PLD5: variants seen among roughly 807,000 people sequenced by gnomAD.
PLD5 encodes the protein phospholipase D family member 5.
Under a neutral mutation model 61.1 loss-of-function variants are expected in PLD5, and 36 were observed. That is an observed-to-expected ratio of 0.59 (90% CI 0.45 to 0.78). The LOEUF is 0.78. Among genes scored for constraint, PLD5 ranks in the 30% least tolerant of loss-of-function variants. The pLI is 0.00. For synonymous variants in PLD5, 243 were observed against 242.8 expected, an observed-to-expected ratio of 1.00 and a Z score of -0.01; for missense variants, 515 against 644.4, an observed-to-expected ratio of 0.80 and a Z score of 2.17.
At chr1:242,401,493 G>A (rs572027106) in intron 1 of PLD5, among the ~76,000 whole-genome samples, 150 of 152,198 alleles carry the variant, frequency 9.9e-4, no homozygotes, top group Middle Eastern at 6.8e-3. Context: ...TGTGAGGGCC[G>A]CCGGGACCCC....
At chr1:242,378,942 CT>C (rs1194904420) in intron 1 of PLD5, among the ~76,000 whole-genome samples, 1 of 152,120 alleles carries the variant, frequency 6.6e-6, no homozygotes, top group Non-Finnish European at 1.5e-5. Flanking sequence ...CTTTTCCTTC[CT>C]ACTTAGGTCT....
chr1:242,095,886 A>G (rs1280042272), intron 9 of PLD5, among the ~76,000 whole-genome samples: 2 of 152,196 alleles, frequency 1.3e-5, no homozygotes, highest in African/African-American at 2.4e-5. Flanking sequence ...GTTGGTGCAC[A>G]TGAGAAAAAT....
chr1:242,265,958 G>A (rs71498836), intron 3 of PLD5, among the ~76,000 whole-genome samples: 1 of 152,256 alleles, frequency 6.6e-6, no homozygotes, highest in Admixed American at 6.5e-5. Context: ...AGAATTAGCT[G>A]TTAAGAGGGA....
intron 2 of PLD5, chr1:242,345,704 G>A (rs1660090369): frequency 1.4e-6 from 1 of 721,810 alleles, no homozygotes; most frequent in Non-Finnish European, 2.6e-6. Context: ...ATCAGGAGAA[G>A]AGCTTGTGGA....
At chr1:242,399,353 T>A (rs1355032987) in intron 1 of PLD5, among the ~76,000 whole-genome samples, 2 of 152,112 alleles carry the variant, frequency 1.3e-5, no homozygotes, top group Admixed American at 6.5e-5. Flanking sequence ...CATGATCAAA[T>A]CCAATTTATG....
chr1:242,498,242 C>T (rs1051441028), intron 1 of PLD5, among the ~76,000 whole-genome samples: 8 of 152,194 alleles, frequency 5.3e-5, no homozygotes, highest in African/African-American at 9.6e-5. Context: ...GGATTACAGG[C>T]GTGAGCCACC....
At chr1:242,150,262 A>AAAT (rs143197408) in intron 5 of PLD5, among the ~76,000 whole-genome samples, 11,633 of 151,672 alleles carry the variant, frequency 0.077, 539 homozygotes, top group Middle Eastern at 0.13. Context: ...ATATGTGCTT[A>AAAT]AATATAATAT....
chr1:242,203,108 A>G (rs1558338144), intron 5 of PLD5, among the ~76,000 whole-genome samples: 1 of 152,188 alleles, frequency 6.6e-6, no homozygotes, highest in Non-Finnish European at 1.5e-5. Flanking sequence ...AATGAGCAGG[A>G]CTTGATTAAC....
chr1:242,345,127 A>G (rs1424525099), intron 2 of PLD5, among the ~76,000 whole-genome samples: 1 of 152,142 alleles, frequency 6.6e-6, no homozygotes, highest in African/African-American at 2.4e-5. Flanking sequence ...TTGAGATTTG[A>G]ATGGGGCACA....
intron 4 of PLD5, among the ~76,000 whole-genome samples, chr1:242,238,633 A>G (rs1671797546): frequency 6.6e-6 from 1 of 152,248 alleles, no homozygotes; most frequent in Admixed American, 6.5e-5. Flanking sequence ...TTTGTGTGTA[A>G]GAAACTAACA....
intron 1 of PLD5, among the ~76,000 whole-genome samples, chr1:242,413,871 CAG>C (rs1435127638): frequency 6.6e-6 from 1 of 152,130 alleles, no homozygotes; most frequent in African/African-American, 2.4e-5. Context: ...GGACAAAGGG[CAG>C]AGAATAAGTT....
intron 1 of PLD5, among the ~76,000 whole-genome samples, chr1:242,507,007 G>A (rs1448582714): frequency 2.0e-5 from 3 of 152,148 alleles, no homozygotes; most frequent in Non-Finnish European, 4.4e-5. Context: ...AGGGTGAGAG[G>A]TGGCCCAGGC....
At chr1:242,193,480 C>T (rs372780040) in intron 5 of PLD5, among the ~76,000 whole-genome samples, 7 of 152,170 alleles carry the variant, frequency 4.6e-5, no homozygotes, top group East Asian at 3.9e-4. Context: ...GACTTCTCCA[C>T]GGAGGGGTTC....
At chr1:242,455,426 T>C (rs1666915073) in intron 1 of PLD5, among the ~76,000 whole-genome samples, 1 of 152,210 alleles carries the variant, frequency 6.6e-6, no homozygotes, top group Non-Finnish European at 1.5e-5. Context: ...CTGAGGCAGG[T>C]TGCCAAAGAG....
intron 1 of PLD5, among the ~76,000 whole-genome samples, chr1:242,476,385 C>T (rs867486069): frequency 6.6e-6 from 1 of 151,606 alleles, no homozygotes; most frequent in Non-Finnish European, 1.5e-5. Context: ...AAAAAGAAAA[C>T]CCCCCCAAAT....
chr1:242,097,816 T>C (rs1660366936), intron 9 of PLD5, among the ~76,000 whole-genome samples: 1 of 152,230 alleles, frequency 6.6e-6, no homozygotes, highest in Admixed American at 6.5e-5. Context: ...CATGAAGTCC[T>C]TGCCCATGCC....
intron 5 of PLD5, among the ~76,000 whole-genome samples, chr1:242,214,934 T>C (rs1471935208): frequency 2.2e-5 from 3 of 139,040 alleles, no homozygotes; most frequent in Admixed American, 1.6e-4. Flanking sequence ...TGGAGTGCAG[T>C]GGCGAGACCC....
Position 242,256,372 on chromosome 1 carries a change from T to G in PLD5, c.607+8965A>C, listed in dbSNP as rs1406585091. Among the ~76,000 whole-genome samples, 6 of 152,268 alleles carry G rather than the reference T, an allele frequency of 3.9e-5. No homozygotes were observed. The highest frequency in any genetic ancestry group is 2.0e-4 in the Admixed American group (3 of 15,288). ...AAATCTGAAGATCTATTTCTCTATC[T>G]GATTTGAATGTCCCTCAAGAATCAT... On this transcript the variant is annotated intron_variant, in intron 4 of 9. Coordinates refer to ENST00000536534, the MANE Select transcript of PLD5 (RefSeq NM_001372062.1). The surrounding 1 kb of genome is among the most constrained non-coding windows in gnomAD (Gnocchi z 5.7).
intron 5 of PLD5, among the ~76,000 whole-genome samples, chr1:242,199,848 A>G (rs561488234): frequency 2.4e-4 from 37 of 152,220 alleles, no homozygotes; most frequent in Admixed American, 8.5e-4. Flanking sequence ...ACATGATTTC[A>G]TTCTTTTTTT....
Sources: gnomAD v4.1 joint callset for allele counts (sites outside exome capture counted in the v4.1 genomes callset) on GRCh38, gnomAD v4.1.1 for gene constraint, Gnocchi (gnomAD v3.1) non-coding constraint, MANE v1.5 for transcripts, NCBI Gene and HGNC (gene_info 2026-07-23, HGNC 2026-07-21) for gene names.